GRM7: variants seen among roughly 807,000 people sequenced by gnomAD.
GRM7 encodes glutamate metabotropic receptor 7.
Under a neutral mutation model 84.5 loss-of-function variants are expected in GRM7, and 35 were observed. The observed-to-expected ratio is 0.41, with a 90% confidence interval of 0.32 to 0.55. GRM7 has a LOEUF of 0.55. Among genes scored for constraint, GRM7 ranks in the 20% least tolerant of loss-of-function variants. The pLI is 0.19. For missense variants in GRM7, 1,003 were observed against 1,194.6 expected (o/e 0.84, Z 2.36); for synonymous variants, 487 against 455.1 (o/e 1.07, Z -0.89).
In GRM7 at chr3:6,950,825, G is replaced by C. The variant is rs112168116; in HGVS notation, c.519+88918G>C. Among the ~76,000 whole-genome samples, 10 of 152,316 alleles carry C rather than the reference G, an allele frequency of 6.6e-5. No homozygotes were observed. In the East Asian group the frequency reaches 1.9e-3, roughly 29 times the overall value. Reference sequence around the variant, plus strand: ...TCAGACTGCTGTGCTAGCAGTGAGCGAGGCTCCATGGGCGTAGGACCCTCT... The same window carrying C: ...TCAGACTGCTGTGCTAGCAGTGAGCCAGGCTCCATGGGCGTAGGACCCTCT... On this transcript the variant is annotated intron_variant, in intron 1 of 9. Coordinates refer to ENST00000357716, the MANE Select transcript of GRM7 (RefSeq NM_000844.4).
chr3:7,237,831 A>G (rs1697402557), intron 2 of GRM7, among the ~76,000 whole-genome samples: 1 of 152,114 alleles, frequency 6.6e-6, no homozygotes, highest in Admixed American at 6.5e-5. Context: ...TTTGCAGCGT[A>G]ACGATTGGTC....
intron 5 of GRM7, 93 bp from the exon 6 acceptor site, chr3:7,452,514 T>C (rs1015979958): frequency 1.3e-5 from 11 of 872,000 alleles, no homozygotes; most frequent in African/African-American, 5.0e-5. Context: ...TTAAGCATAA[T>C]TGAAAGTTTA....
chr3:7,344,481 T>C (rs1310273823), intron 4 of GRM7, among the ~76,000 whole-genome samples: 2 of 152,224 alleles, frequency 1.3e-5, no homozygotes, highest in Non-Finnish European at 2.9e-5. Flanking sequence ...ATTTTCTCTA[T>C]CTAGTCTGTT....
At chr3:7,516,103 C>G (rs111710042) in intron 7 of GRM7, among the ~76,000 whole-genome samples, 1 of 145,210 alleles carries the variant, frequency 6.9e-6, no homozygotes, top group Non-Finnish European at 1.5e-5. Context: ...AGGTAGAGCC[C>G]GCAGTGAGTG....
intron 7 of GRM7, among the ~76,000 whole-genome samples, chr3:7,542,944 G>T (rs747021939): frequency 6.6e-6 from 1 of 151,982 alleles, no homozygotes; most frequent in African/African-American, 2.4e-5. Flanking sequence ...TCCCACCCTC[G>T]CCATACCCTC....
intron 1 of GRM7, among the ~76,000 whole-genome samples, chr3:7,114,696 C>A (rs1176218048): frequency 6.6e-6 from 1 of 152,136 alleles, no homozygotes; most frequent in Non-Finnish European, 1.5e-5. Context: ...TGGCACTATC[C>A]AAACGCTGCA....
chr3:6,909,016 G>A (rs999936620), intron 1 of GRM7, among the ~76,000 whole-genome samples: 14 of 152,004 alleles, frequency 9.2e-5, no homozygotes, highest in Admixed American at 4.6e-4. Flanking sequence ...CATGTTGCAC[G>A]TATGTCCAGG....
intron 3 of GRM7, among the ~76,000 whole-genome samples, chr3:7,300,491 G>T (rs151246810): frequency 1.3e-5 from 2 of 152,262 alleles, no homozygotes; most frequent in Non-Finnish European, 2.9e-5. Context: ...GGTTCTTTGG[G>T]CCTCAAGTCT....
Position 7,119,199 on chromosome 3 carries a change from T to C in GRM7, c.520-27253T>C, listed in dbSNP as rs146398078. Among the ~76,000 whole-genome samples the C allele has an allele frequency of 3.9e-5, 6 of 152,286 alleles. No homozygotes were observed. The East Asian group carries it at 1.2e-3, about 29-fold the overall frequency. ...TCTGTATGCTTTTGCTTCCACATTT[T>C]ATTAAACGTTCCTCAGTATTGTTTT... On this transcript the variant is annotated intron_variant, in intron 1 of 9. Coordinates refer to ENST00000357716, the MANE Select transcript of GRM7 (RefSeq NM_000844.4).
intron 6 of GRM7, among the ~76,000 whole-genome samples, chr3:7,460,737 T>A (rs1698212190): frequency 6.6e-6 from 1 of 152,230 alleles, no homozygotes; most frequent in Non-Finnish European, 1.5e-5. Flanking sequence ...AAAACTCATG[T>A]CTTGCATTAT....
intron 2 of GRM7, among the ~76,000 whole-genome samples, chr3:7,194,966 T>C (rs1049871263): frequency 5.3e-5 from 8 of 152,094 alleles, no homozygotes; most frequent in Admixed American, 5.2e-4. Context: ...GAGGGAAGGA[T>C]TCATCCTTCT....
chr3:7,694,832 T>C (rs1700957080), intron 9 of GRM7, among the ~76,000 whole-genome samples: 1 of 152,202 alleles, frequency 6.6e-6, no homozygotes, highest in Non-Finnish European at 1.5e-5. Context: ...ACAAACCTTC[T>C]AAAGTACATT....
At chr3:7,421,925 A>G (rs1233563120) in intron 5 of GRM7, among the ~76,000 whole-genome samples, 1 of 151,040 alleles carries the variant, frequency 6.6e-6, no homozygotes, top group African/African-American at 2.4e-5. Context: ...GTAAAAAAAA[A>G]AAAAAAAAAA....
intron 1 of GRM7, among the ~76,000 whole-genome samples, chr3:6,931,025 A>G (rs76134510): frequency 0.046 from 6,948 of 152,272 alleles, 177 homozygotes; most frequent in African/African-American, 0.049. Context: ...GCTTCTATCA[A>G]TTCTAGCACC....
chr3:7,229,041 A>G (rs1205637898), intron 2 of GRM7, among the ~76,000 whole-genome samples: 2 of 152,208 alleles, frequency 1.3e-5, no homozygotes, highest in Non-Finnish European at 2.9e-5. Flanking sequence ...AAAGAATCAT[A>G]CAGTGAAATC....
At chr3:7,399,706 C>G (rs922027230) in intron 4 of GRM7, among the ~76,000 whole-genome samples, 3 of 152,090 alleles carry the variant, frequency 2.0e-5, no homozygotes, top group African/African-American at 7.2e-5. Flanking sequence ...CATTAGTTCC[C>G]TCAGAATTCT....
intron 9 of GRM7, among the ~76,000 whole-genome samples, chr3:7,713,429 T>G (rs1251181461): frequency 6.6e-6 from 1 of 152,022 alleles, no homozygotes; most frequent in East Asian, 1.9e-4. Flanking sequence ...TGAGCCACCG[T>G]GCCTGGCCAG....
chr3:7,610,234 A>T (rs3804871), intron 8 of GRM7, among the ~76,000 whole-genome samples: 20,217 of 152,176 alleles, frequency 0.13, 1,448 homozygotes, highest in Admixed American at 0.17. Flanking sequence ...CTTGGAATCA[A>T]TTCTTTAAAA....
intron 8 of GRM7, among the ~76,000 whole-genome samples, chr3:7,656,950 A>C (rs1559468867): frequency 6.6e-6 from 1 of 152,174 alleles, no homozygotes. Context: ...TATGCTACTG[A>C]AAACATAGTA....
Sources: allele counts gnomAD v4.1 joint callset (sites outside exome capture counted in the v4.1 genomes callset), GRCh38; gene constraint gnomAD v4.1.1; transcripts MANE v1.5; gene names NCBI Gene and HGNC (gene_info 2026-07-23, HGNC 2026-07-21).